Variants in TRAK1 observed in about 807,000 individuals in gnomAD.
The protein encoded by TRAK1 is trafficking kinesin-binding protein 1.
TRAK1 carries 33 observed loss-of-function variants against 92.1 expected under a neutral mutation model. The observed-to-expected ratio is 0.36, with a 90% CI of 0.27 to 0.48. The LOEUF (loss-of-function observed/expected upper bound fraction) is 0.48, where lower values mean the gene tolerates loss of function less well. Among genes scored for constraint, TRAK1 ranks in the 20% least tolerant of loss-of-function variants. The pLI, the probability that TRAK1 is intolerant of heterozygous loss-of-function variation, is 0.99. For synonymous variants in TRAK1, 521 were observed against 517.3 expected (o/e 1.01, Z -0.10); for missense variants, 1,123 against 1,257.9 (o/e 0.89, Z 1.62).
At chr3:42,194,017 A>G (rs1326892524) in intron 9 of TRAK1, 119 bp downstream of exon 9, 1 of 974,874 alleles carries the variant, frequency 1.0e-6, no homozygotes, top group East Asian at 2.5e-5. Context: ...ATTTCATTTC[A>G]TTTTTATTCG....
chr3:42,020,812 A>G (rs1285126942), intron 1 of TRAK1, among the ~76,000 whole-genome samples: 1 of 152,216 alleles, frequency 6.6e-6, no homozygotes, highest in East Asian at 1.9e-4. Context: ...CAGGGCTCCC[A>G]CAGTAAACTT....
intron 1 of TRAK1, among the ~76,000 whole-genome samples, chr3:42,092,327 C>G (rs1705180343): frequency 6.6e-6 from 1 of 152,202 alleles, no homozygotes; most frequent in African/African-American, 2.4e-5. Context: ...CAGTTAATTC[C>G]TGAGAGAAGT....
At chr3:42,190,409 C>T (rs1453208633) in intron 6 of TRAK1, among the ~76,000 whole-genome samples, 1 of 152,202 alleles carries the variant, frequency 6.6e-6, no homozygotes, top group Non-Finnish European at 1.5e-5. Flanking sequence ...TGTTAGACCT[C>T]ACCTCTTCCA....
Position 42,149,287 on chromosome 3 carries a change from G to T in TRAK1, c.286+23673G>T, listed in dbSNP as rs376699150. Reference sequence around the variant, plus strand: ...TATTGGCAGTGCTGCCAGGGTCTCCGTTAGCTCTCTGCAAATTGCCTTCCT... The same window carrying T: ...TATTGGCAGTGCTGCCAGGGTCTCCTTTAGCTCTCTGCAAATTGCCTTCCT... On this transcript the variant is annotated intron_variant, in intron 2 of 15. Coordinates refer to ENST00000327628, the MANE Select transcript of TRAK1 (RefSeq NM_001042646.3). 4.3e-6 allele frequency: 6 copies of T among 1,391,602 alleles called. No homozygotes were observed. The African/African-American group carries it at 4.4e-5, about 10-fold the overall frequency. The allele number at this position is 1,391,602 out of a possible 1,614,324, so 86.2% of individuals were successfully genotyped here. A position where few individuals can be genotyped will look rare whatever the true frequency, so the allele number is the denominator to read the frequency against.
chr3:42,122,802 C>T (rs995382314), intron 1 of TRAK1, among the ~76,000 whole-genome samples: 1 of 152,148 alleles, frequency 6.6e-6, no homozygotes, highest in Non-Finnish European at 1.5e-5. Flanking sequence ...GAGGACATAG[C>T]TTCTGTTCCC....
At chr3:42,134,717 G>A (rs182106678) in intron 2 of TRAK1, among the ~76,000 whole-genome samples, 1 of 151,414 alleles carries the variant, frequency 6.6e-6, no homozygotes, top group East Asian at 2.0e-4. Flanking sequence ...CTCCTGAGTA[G>A]CTGGGACTAC....
At chr3:42,162,302 A>G (rs1701357636) in intron 2 of TRAK1, among the ~76,000 whole-genome samples, 1 of 151,314 alleles carries the variant, frequency 6.6e-6, no homozygotes. Flanking sequence ...ATAAATATAT[A>G]TTATATATAA....
intron 1 of TRAK1, among the ~76,000 whole-genome samples, chr3:42,042,558 A>G (rs1025453041): frequency 2.0e-5 from 3 of 151,666 alleles, no homozygotes; most frequent in African/African-American, 7.3e-5. Flanking sequence ...TTTTGTAGAG[A>G]TGGGGTTTTG....
At chr3:42,111,132 A>G (rs1287609175) in intron 1 of TRAK1, among the ~76,000 whole-genome samples, 1 of 152,144 alleles carries the variant, frequency 6.6e-6, no homozygotes, top group Non-Finnish European at 1.5e-5. Context: ...AGAGAAGGGA[A>G]AAGTGTTCCA....
rs1007475114 is a variant in TRAK1, at chr3:42,211,046, CAG to C, written c.1963+1062_1963+1063del. ...TGGGAAGGCAAAGCTTTTGTGGAGT[CAG>C]GGGGGAGACTGAGAAAAAATGAATT... On this transcript the variant is annotated intron_variant, in intron 14 of 15. Coordinates refer to ENST00000327628, the MANE Select transcript of TRAK1 (RefSeq NM_001042646.3). 1.6e-4 allele frequency: 153 copies of C among 985,478 alleles called. No homozygotes were observed. The African/African-American group carries it at 1.9e-3, about 12-fold the overall frequency. The allele number at this position is 985,478 out of a possible 1,614,324, so 61.0% of individuals were successfully genotyped here.
chr3:42,019,693 T>C (rs1701661307), intron 1 of TRAK1, among the ~76,000 whole-genome samples: 2 of 152,248 alleles, frequency 1.3e-5, no homozygotes, highest in South Asian at 4.1e-4. Context: ...CTACTCTAGA[T>C]ACACAGCCTC....
intron 1 of TRAK1, among the ~76,000 whole-genome samples, chr3:42,098,749 AG>A (rs961129585): frequency 6.6e-6 from 1 of 152,230 alleles, no homozygotes; most frequent in Admixed American, 6.5e-5. Context: ...AGCGCCTAGC[AG>A]GGTGGGCCTT....
At chr3:42,118,025 G>A (rs1185947163) in intron 1 of TRAK1, among the ~76,000 whole-genome samples, 5 of 151,788 alleles carry the variant, frequency 3.3e-5, no homozygotes, top group Admixed American at 3.3e-4. Context: ...TCACCATGTT[G>A]GCCAAGATGG....
chr3:42,131,403 C>T (rs1023921816), intron 2 of TRAK1, among the ~76,000 whole-genome samples: 2 of 152,136 alleles, frequency 1.3e-5, no homozygotes, highest in Middle Eastern at 3.2e-3. Flanking sequence ...GCTGTCAACC[C>T]TGATGCACCT....
rs886513159 is a variant in TRAK1 at position 42,219,193 on chromosome 3, AC to A, written c.1964-295del. ...TTATCCCACAAAGGCCCATTACCCC[AC>A]CCCCCTCGCCTCCCACCCCCAGACT... On this transcript the variant is annotated intron_variant, in intron 14 of 15. Coordinates refer to ENST00000327628, the MANE Select transcript of TRAK1 (RefSeq NM_001042646.3). The A allele has an allele frequency of 6.6e-6, 6 of 905,904 alleles. No homozygotes were observed. In the African/African-American group the frequency reaches 1.2e-4, roughly 18 times the overall value. The allele number at this position is 905,904 out of a possible 1,614,324, so 56.1% of individuals were successfully genotyped here. A position where few individuals can be genotyped will look rare whatever the true frequency, so the allele number is the denominator to read the frequency against.
chr3:42,158,560 A>T (rs566553540), intron 2 of TRAK1, among the ~76,000 whole-genome samples: 9 of 151,004 alleles, frequency 6.0e-5, no homozygotes, highest in Non-Finnish European at 1.0e-4. Context: ...TCCCTGCCTG[A>T]ATTTCTACAC....
intron 11 of TRAK1, 115 bp from the exon 12 acceptor site, chr3:42,200,702 TG>T: frequency 1.0e-6 from 1 of 998,660 alleles, no homozygotes; most frequent in Non-Finnish European, 1.6e-6. Context: ...AGCAGGCTGC[TG>T]GGGGACTCGT....
intron 2 of TRAK1, among the ~76,000 whole-genome samples, chr3:42,158,865 A>T (rs1039941776): frequency 6.7e-6 from 1 of 150,010 alleles, no homozygotes; most frequent in Non-Finnish European, 1.5e-5. Flanking sequence ...AGACTGAGGC[A>T]GGAGAATGGT....
intron 2 of TRAK1, among the ~76,000 whole-genome samples, chr3:42,147,240 G>T (rs1412511522): frequency 6.6e-6 from 1 of 152,186 alleles, no homozygotes; most frequent in Non-Finnish European, 1.5e-5. Flanking sequence ...ACAAGTCCTA[G>T]AAAACTGAAA....
Sources: allele counts gnomAD v4.1 joint callset (sites outside exome capture counted in the v4.1 genomes callset), GRCh38; gene constraint gnomAD v4.1.1; transcripts MANE v1.5; gene names NCBI Gene and HGNC (gene_info 2026-07-23, HGNC 2026-07-21).